Variants in HAO1 observed in about 807,000 individuals in gnomAD.
HAO1 encodes hydroxyacid oxidase 1, also known as 2-Hydroxyacid oxidase 1.
A neutral mutation model predicts 39.7 loss-of-function variants in HAO1; 34 were observed. The ratio of observed to expected loss-of-function variants is 0.86; its 90% CI spans 0.65 to 1.14. HAO1 has a LOEUF of 1.14. Ranked by LOEUF, HAO1 falls within the 50% of genes most tolerant of loss-of-function variation. HAO1 has a pLI of 0.00. For synonymous variants in HAO1, 172 were observed against 173.2 expected (o/e 0.99, Z 0.05); for missense variants, 479 against 464.5 (o/e 1.03, Z -0.29).
At chr20:7,923,851 A>C (rs1290266690) in intron 2 of HAO1, among the ~76,000 whole-genome samples, 1 of 152,180 alleles carries the variant, frequency 6.6e-6, no homozygotes, top group African/African-American at 2.4e-5. Flanking sequence ...ACCATGAGGT[A>C]GATATTTTCT....
intron 1 of HAO1, among the ~76,000 whole-genome samples, chr20:7,938,251 G>T (rs1027137976): frequency 1.4e-4 from 21 of 152,262 alleles, no homozygotes; most frequent in African/African-American, 4.3e-4. Context: ...ATGATGCAGT[G>T]TGAGGAATCA....
chr20:7,912,069 C>T (rs764877112), intron 3 of HAO1, among the ~76,000 whole-genome samples: 3 of 152,176 alleles, frequency 2.0e-5, no homozygotes, highest in African/African-American at 7.2e-5. Context: ...GGGTGTTTCC[C>T]GTGTTCCCTA....
chr20:7,892,245 C>G (rs2050177465), intron 5 of HAO1, among the ~76,000 whole-genome samples: 1 of 152,004 alleles, frequency 6.6e-6, no homozygotes, highest in Non-Finnish European at 1.5e-5. Context: ...ACCACCATGC[C>G]CAGCTAATTT....
chr20:7,920,211 C>T (rs1162983686), intron 2 of HAO1, among the ~76,000 whole-genome samples: 2 of 152,020 alleles, frequency 1.3e-5, no homozygotes. Context: ...GACTCTTCCC[C>T]CTTCACTTCA....
At chr20:7,896,140 G>T (rs35848853) in intron 4 of HAO1, among the ~76,000 whole-genome samples, 28,725 of 151,794 alleles carry the variant, frequency 0.19, 3,393 homozygotes, top group East Asian at 0.55. Context: ...ATTTCTGAAA[G>T]TTCAGTTTAA....
intron 7 of HAO1, among the ~76,000 whole-genome samples, chr20:7,884,317 A>G (rs1158885979): frequency 6.6e-6 from 1 of 152,208 alleles, no homozygotes; most frequent in Non-Finnish European, 1.5e-5. Flanking sequence ...CATGTATCTT[A>G]TGTTCTAAAG....
chr20:7,905,065 C>T (rs150561743), intron 4 of HAO1, among the ~76,000 whole-genome samples: 8 of 152,230 alleles, frequency 5.3e-5, no homozygotes, highest in Non-Finnish European at 5.9e-5. Flanking sequence ...TTTGAGATGA[C>T]GGATATGCTA....
At position 7,924,338 on chromosome 20, in the gene HAO1, G is replaced by A. The variant is rs143629191; in HGVS notation, c.290-9919C>T. On this transcript the variant is annotated intron_variant, in intron 2 of 7. Coordinates refer to ENST00000378789, the MANE Select transcript of HAO1 (RefSeq NM_017545.3). The stretch of plus-strand genomic sequence containing the variant: ...AATGGTATAAGATGAAGAAGAGAGC[G>A]CTTACTCAAAGCTGAGAAAGCACAA... Among the ~76,000 whole-genome samples the A allele has an allele frequency of 3.3e-5, 5 of 152,082 alleles. No individual in the cohort carries two copies. In the South Asian group the frequency reaches 6.2e-4, roughly 19 times the overall value.
intron 1 of HAO1, among the ~76,000 whole-genome samples, chr20:7,938,989 C>A (rs2050426924): frequency 6.6e-6 from 1 of 152,136 alleles, no homozygotes; most frequent in Admixed American, 6.5e-5. Context: ...TCTGAAATTT[C>A]CTTGGTTGTA....
intron 7 of HAO1, 49 bp downstream of exon 7, chr20:7,885,472 C>T (rs985077950): frequency 1.6e-6 from 2 of 1,229,226 alleles, no homozygotes; most frequent in Non-Finnish European, 2.4e-6. Flanking sequence ...AGGACCTTGA[C>T]TTAAAGATCA....
At chr20:7,914,813 C>T (rs373789616) in intron 2 of HAO1, among the ~76,000 whole-genome samples, 1 of 152,154 alleles carries the variant, frequency 6.6e-6, no homozygotes, top group African/African-American at 2.4e-5. Flanking sequence ...ATGAAATGAA[C>T]ACACCCATTA....
rs371141199 is a variant in HAO1, at chr20:7,906,322, T to A, written c.553A>T (p.Asn185Tyr). ...AATGATAAAGTACTGGTTTCAAAAT[T>A]TTTCATCCTAAAATAAGAAATGCAT... ...FKLPPQLRMK[N>Y]FETSTLSFSP... The change falls in exon 4 of 8, where the codon AAT (asparagine) becomes TAT (tyrosine). Residue 185 changes from asparagine (N) to tyrosine (Y), a missense_variant. Transcript: ENST00000378789. 6.3e-7 allele frequency: 1 copy of A among 1,590,858 alleles called. No homozygotes were observed. The highest frequency in any genetic ancestry group is 8.6e-7 in the Non-Finnish European group (1 of 1,162,210).
At chr20:7,920,524 C>T (rs2050326129) in intron 2 of HAO1, among the ~76,000 whole-genome samples, 2 of 152,120 alleles carry the variant, frequency 1.3e-5, no homozygotes, top group Non-Finnish European at 2.9e-5. Flanking sequence ...AAACCTATTA[C>T]TCCAGTCGCA....
chr20:7,929,755 C>G (rs933991138), intron 2 of HAO1, among the ~76,000 whole-genome samples: 1 of 151,914 alleles, frequency 6.6e-6, no homozygotes, highest in South Asian at 2.1e-4. Flanking sequence ...TCCTAGCTAC[C>G]CAGGAGGCTG....
rs74742677 is a variant in HAO1 at position 7,920,515 on chromosome 20, A to G, written c.290-6096T>C. Among the ~76,000 whole-genome samples the G allele has an allele frequency of 5.8e-3, 882 of 152,198 alleles. 11 individuals carry two copies. The highest frequency in any genetic ancestry group is 0.019 in the African/African-American group (786 of 41,520). On this transcript the variant is annotated intron_variant, in intron 2 of 7. Transcript: ENST00000378789. ...ACCATGCAGTACAATAGATCACTAA[A>G]ACCTATTACTCCAGTCGCACTGAAA... is the stretch of plus-strand genomic sequence containing the variant.
chr20:7,939,882 G>T (rs2122807516), intron 1 of HAO1, among the ~76,000 whole-genome samples: 1 of 152,256 alleles, frequency 6.6e-6, no homozygotes, highest in South Asian at 2.1e-4. Context: ...GAAAACATTT[G>T]AGCCAACAAT....
intron 2 of HAO1, 106 bp from the exon 3 acceptor site, chr20:7,914,525 A>G: frequency 8.4e-7 from 1 of 1,197,544 alleles, no homozygotes; most frequent in Non-Finnish European, 1.2e-6. Flanking sequence ...CAATTTGGCA[A>G]TATGAAGTCA....
rs1292173356 is a variant in HAO1 at position 7,918,167 on chromosome 20, A to T, written c.290-3748T>A. ...AAGCTAAAATACTAGTCCTAGGAGA[A>T]AACAGGAGCAAAACAGCAGGCTCCC... On this transcript the variant is annotated intron_variant, in intron 2 of 7. Transcript: ENST00000378789. Among the ~76,000 whole-genome samples the T allele has an allele frequency of 2.0e-5, 3 of 152,236 alleles. No individual in the cohort carries two copies. The East Asian group carries it at 5.8e-4, about 29-fold the overall frequency.
chr20:7,920,940 G>T (rs950296110), intron 2 of HAO1, among the ~76,000 whole-genome samples: 1 of 151,798 alleles, frequency 6.6e-6, no homozygotes, highest in African/African-American at 2.4e-5. Flanking sequence ...GTTTTTTAAG[G>T]AATTGTGTGA....
Sources: allele counts gnomAD v4.1 joint callset (sites outside exome capture counted in the v4.1 genomes callset), GRCh38; gene constraint gnomAD v4.1.1; transcripts MANE v1.5; gene names NCBI Gene and HGNC (gene_info 2026-07-23, HGNC 2026-07-21).